GRIN2A: variants seen among roughly 807,000 people sequenced by gnomAD.
The protein encoded by GRIN2A is glutamate receptor ionotropic, NMDA 2A.
GRIN2A carries 22 observed loss-of-function variants against 113.4 expected under a neutral mutation model. The observed-to-expected ratio is 0.19, with a 90% CI of 0.14 to 0.28. The LOEUF (loss-of-function observed/expected upper bound fraction) is 0.28, where lower values mean the gene tolerates loss of function less well. GRIN2A is among the 10% of genes least tolerant of loss of function. GRIN2A has a pLI of 1.00. For missense variants in GRIN2A, 1,502 were observed against 1,887.0 expected (o/e 0.80, Z 3.78); for synonymous variants, 827 against 738.4 (o/e 1.12, Z -1.94).
chr16:9,935,950 C>T (rs936800508), intron 3 of GRIN2A, among the ~76,000 whole-genome samples: 7 of 152,152 alleles, frequency 4.6e-5, no homozygotes, highest in Non-Finnish European at 1.0e-4. Flanking sequence ...GATCCACCCA[C>T]CTCGGCCTCC....
At chr16:9,823,790 C>T (rs994504642) in intron 9 of GRIN2A, among the ~76,000 whole-genome samples, 3 of 152,136 alleles carry the variant, frequency 2.0e-5, no homozygotes, top group Non-Finnish European at 2.9e-5. Context: ...AATTCAAACC[C>T]GGATGCGTCT....
At chr16:9,885,762 C>T (rs1415899289) in intron 4 of GRIN2A, among the ~76,000 whole-genome samples, 1 of 152,158 alleles carries the variant, frequency 6.6e-6, no homozygotes, top group African/African-American at 2.4e-5. Flanking sequence ...TGGTATTTAC[C>T]TGCTCCACTG....
intron 3 of GRIN2A, among the ~76,000 whole-genome samples, chr16:9,901,887 C>G (rs747014315): frequency 3.3e-5 from 5 of 152,160 alleles, no homozygotes; most frequent in Non-Finnish European, 7.4e-5. Context: ...GTCCTGTCTC[C>G]CTGAATATGT....
At chr16:10,022,730 G>C (rs1047767778) in intron 2 of GRIN2A, among the ~76,000 whole-genome samples, 1 of 152,160 alleles carries the variant, frequency 6.6e-6, no homozygotes. Flanking sequence ...CCTTGGAACT[G>C]TTTTTCCATA....
chr16:9,934,641 C>T (rs950473526), intron 3 of GRIN2A, among the ~76,000 whole-genome samples: 6 of 125,284 alleles, frequency 4.8e-5, no homozygotes, highest in Non-Finnish European at 6.2e-5. Flanking sequence ...GATTGTGCCA[C>T]AGCACTCCAG....
In GRIN2A at chr16:9,768,940, T is replaced by G. The variant is rs1012398659; in HGVS notation, c.2506A>C (p.Ile836Leu). 3.1e-6 allele frequency: 5 copies of G among 1,614,118 alleles called. No individual in the cohort carries two copies. The highest frequency in any genetic ancestry group is 4.2e-6 in the Non-Finnish European group (5 of 1,179,984). The part of the protein sequence containing the change: ...AAMALSLITF[I>L]WEHLFYWKLR... ...TTCCAGTAGAAGAGGTGCTCCCAGA[T>G]GAAGGTGATGAGGCTAAGGGCCATG... The change falls in exon 12 of 13, where the codon ATC becomes CTC. Residue 836 changes from isoleucine (I) to leucine (L), a missense_variant. Transcript: ENST00000330684.
chr16:10,130,422 G>T (rs939929667), intron 2 of GRIN2A, among the ~76,000 whole-genome samples: 1 of 152,186 alleles, frequency 6.6e-6, no homozygotes, highest in Non-Finnish European at 1.5e-5. Context: ...GCTCAAAAGG[G>T]CATCTGTGCC....
At chr16:9,825,236 G>A (rs1170687347) in intron 9 of GRIN2A, among the ~76,000 whole-genome samples, 3 of 152,146 alleles carry the variant, frequency 2.0e-5, no homozygotes, top group African/African-American at 7.2e-5. Flanking sequence ...AAGCTCCTGA[G>A]CCTGAATTTC....
intron 4 of GRIN2A, among the ~76,000 whole-genome samples, chr16:9,858,917 A>T (rs1469481240): frequency 6.6e-6 from 1 of 152,188 alleles, no homozygotes; most frequent in African/African-American, 2.4e-5. Context: ...GTTTTATCTT[A>T]TTTGATCTAT....
At chr16:10,003,849 A>G (rs937816651) in intron 2 of GRIN2A, among the ~76,000 whole-genome samples, 4 of 152,224 alleles carry the variant, frequency 2.6e-5, no homozygotes, top group African/African-American at 9.6e-5. Context: ...TGGGTTCCAC[A>G]GACTTGTTGG....
intron 11 of GRIN2A, among the ~76,000 whole-genome samples, chr16:9,771,538 G>A (rs890307374): frequency 6.6e-6 from 1 of 151,638 alleles, no homozygotes; most frequent in Admixed American, 6.6e-5. Flanking sequence ...TAAACCTCTA[G>A]TCTTTCAGAT....
intron 4 of GRIN2A, among the ~76,000 whole-genome samples, chr16:9,864,764 T>C (rs960062389): frequency 2.0e-5 from 3 of 152,116 alleles, no homozygotes; most frequent in African/African-American, 7.2e-5. Flanking sequence ...CTGTGAAAAG[T>C]TATTGCGTTG....
intron 11 of GRIN2A, among the ~76,000 whole-genome samples, chr16:9,778,146 G>T (rs551042497): frequency 6.6e-6 from 1 of 152,170 alleles, no homozygotes; most frequent in Non-Finnish European, 1.5e-5. Context: ...ATTAAAAAGA[G>T]GATTGGACAA....
At chr16:9,895,951 A>T (rs1399697909) in intron 3 of GRIN2A, among the ~76,000 whole-genome samples, 2 of 152,218 alleles carry the variant, frequency 1.3e-5, no homozygotes, top group Non-Finnish European at 2.9e-5. Context: ...TCTGTTTGGA[A>T]ATGCTGGATC....
Position 10,037,701 on chromosome 16 carries a change from C to T in GRIN2A, c.415-99150G>A, listed in dbSNP as rs2047061252. Among the ~76,000 whole-genome samples the T allele has an allele frequency of 2.0e-5, 3 of 152,292 alleles. No homozygotes were observed. In the South Asian group the frequency reaches 6.2e-4, roughly 32 times the overall value. ...TGTGCAGCGGAGTGATCAGAGTTCA[C>T]TGCAGCCTCTACCTCCTGGACTCAG... On this transcript the variant is annotated intron_variant, in intron 2 of 12. Coordinates refer to ENST00000330684, the MANE Select transcript of GRIN2A (RefSeq NM_001134407.3).
At chr16:9,941,827 C>T (rs1217948487) in intron 2 of GRIN2A, among the ~76,000 whole-genome samples, 1 of 152,026 alleles carries the variant, frequency 6.6e-6, no homozygotes, top group Non-Finnish European at 1.5e-5. Context: ...TCATTTAATG[C>T]CACCCCCAAC....
intron 4 of GRIN2A, among the ~76,000 whole-genome samples, chr16:9,885,505 T>A (rs765212564): frequency 1.2e-4 from 19 of 152,198 alleles, no homozygotes; most frequent in Non-Finnish European, 1.6e-4. Context: ...GGCGTCTGTA[T>A]AATCCACACC....
In GRIN2A at chr16:9,764,858, T is replaced by C. The variant is rs1436853714; in HGVS notation, c.2686A>G (p.Lys896Glu). The change falls in exon 13 of 13, where the codon AAA becomes GAA. Residue 896 changes from lysine (K) to glutamate (E), a missense_variant. Around this residue, in one of 7 missense-constraint regions of GRIN2A, gnomAD observed 832 missense variants for 789.7 expected, o/e 1.05. Transcript: ENST00000330684. Reference protein sequence around the residue: ...NLTGSQSNMLKLLRSAKNISS... With the variant: ...NLTGSQSNMLELLRSAKNISS... Reference sequence around the variant, plus strand: ...ATGTTTTTGGCTGACCGGAGGAGTTTTAACATGTTGCTCTGGGATCCCGTC... The same window carrying C: ...ATGTTTTTGGCTGACCGGAGGAGTTCTAACATGTTGCTCTGGGATCCCGTC... 3 of 1,614,080 alleles carry C rather than the reference T, an allele frequency of 1.9e-6. No homozygotes were observed. In the African/African-American group the frequency reaches 4.0e-5, roughly 22 times the overall value.
At chr16:10,109,770 T>C (rs1172583174) in intron 2 of GRIN2A, among the ~76,000 whole-genome samples, 1 of 152,088 alleles carries the variant, frequency 6.6e-6, no homozygotes, top group Admixed American at 6.5e-5. Context: ...AAAGGATAAA[T>C]GCTCAAGGGG....
Sources: allele counts gnomAD v4.1 joint callset (sites outside exome capture counted in the v4.1 genomes callset), GRCh38; gene constraint gnomAD v4.1.1; regional missense constraint gnomAD v4.1.1; transcripts MANE v1.5; gene names NCBI Gene and HGNC (gene_info 2026-07-23, HGNC 2026-07-21).